The following SLC24A3 variants were observed in gnomAD, a reference collection of about 807,000 sequenced individuals.
The protein encoded by SLC24A3 is sodium/potassium/calcium exchanger 3.
SLC24A3 carries 28 observed loss-of-function variants against 75.8 expected under a neutral mutation model. That is an observed-to-expected ratio of 0.37 (90% CI 0.27 to 0.51). The LOEUF (loss-of-function observed/expected upper bound fraction) is 0.51, where lower values mean the gene tolerates loss of function less well. SLC24A3 is among the 20% of genes least tolerant of loss of function. The pLI, the probability that SLC24A3 is intolerant of heterozygous loss-of-function variation, is 0.94. For missense variants in SLC24A3, 663 were observed against 847.8 expected, an observed-to-expected ratio of 0.78 and a Z score of 2.71; for synonymous variants, 372 against 334.1, an observed-to-expected ratio of 1.11 and a Z score of -1.24.
intron 15 of SLC24A3, among the ~76,000 whole-genome samples, chr20:19,709,489 G>A (rs1273655587): frequency 6.6e-6 from 1 of 152,050 alleles, no homozygotes; most frequent in Admixed American, 6.5e-5. Context: ...GAGCGTGGTG[G>A]CACACACCTA....
At chr20:19,409,439 AAGG>A (rs1265976742) in intron 2 of SLC24A3, among the ~76,000 whole-genome samples, 9 of 152,176 alleles carry the variant, frequency 5.9e-5, no homozygotes, top group Admixed American at 4.6e-4. Context: ...ATGACCTGAG[AAGG>A]AGGAGAATGT....
intron 2 of SLC24A3, among the ~76,000 whole-genome samples, chr20:19,351,942 A>G (rs1028753368): frequency 6.6e-6 from 1 of 152,186 alleles, no homozygotes; most frequent in Non-Finnish European, 1.5e-5. Context: ...CCTGGGTGTC[A>G]TAGGTGGGGC....
chr20:19,568,214 G>T (rs2030992559), intron 3 of SLC24A3, among the ~76,000 whole-genome samples: 1 of 152,148 alleles, frequency 6.6e-6, no homozygotes, highest in Non-Finnish European at 1.5e-5. Flanking sequence ...AGCTGCTGTG[G>T]AAAATAGTAT....
At chr20:19,222,071 T>A (rs1981730105) in intron 1 of SLC24A3, among the ~76,000 whole-genome samples, 1 of 152,312 alleles carries the variant, frequency 6.6e-6, no homozygotes, top group Non-Finnish European at 1.5e-5. Context: ...AGATTTTTTT[T>A]AACCATGTCT....
intron 9 of SLC24A3, among the ~76,000 whole-genome samples, chr20:19,679,531 C>CGTGGGGAGAGGGAGACT (rs2032582784): frequency 1.5e-5 from 2 of 136,526 alleles, no homozygotes; most frequent in African/African-American, 2.9e-5. Context: ...AGAGGGAGAC[C>CGTGGGGAGAGGGAGACT]GTGGGGAGGG....
intron 2 of SLC24A3, among the ~76,000 whole-genome samples, chr20:19,490,160 C>T (rs1041805914): frequency 2.0e-5 from 3 of 152,146 alleles, no homozygotes; most frequent in Non-Finnish European, 2.9e-5. Context: ...CCTTTTGATC[C>T]AAGGCCACAT....
chr20:19,499,110 T>C (rs964466055), intron 2 of SLC24A3, among the ~76,000 whole-genome samples: 1 of 152,126 alleles, frequency 6.6e-6, no homozygotes, highest in Non-Finnish European at 1.5e-5. Context: ...ATGATTGCAA[T>C]TGTGTGAGCA....
intron 15 of SLC24A3, among the ~76,000 whole-genome samples, chr20:19,712,984 A>C (rs1293088435): frequency 6.6e-6 from 1 of 152,256 alleles, no homozygotes; most frequent in African/African-American, 2.4e-5. Context: ...AGGGCACCTG[A>C]GAACTTTCTG....
At chr20:19,493,226 T>A (rs2122532832) in intron 2 of SLC24A3, among the ~76,000 whole-genome samples, 1 of 152,308 alleles carries the variant, frequency 6.6e-6, no homozygotes, top group Non-Finnish European at 1.5e-5. Flanking sequence ...TTCCATCCCC[T>A]TGAGTTGGTC....
intron 2 of SLC24A3, among the ~76,000 whole-genome samples, chr20:19,446,351 G>A (rs1339564879): frequency 6.6e-6 from 1 of 152,182 alleles, no homozygotes; most frequent in Non-Finnish European, 1.5e-5. Context: ...TCTCTCATTA[G>A]GTGTGATATA....
intron 3 of SLC24A3, among the ~76,000 whole-genome samples, chr20:19,573,836 T>C (rs535405989): frequency 2.4e-4 from 37 of 152,322 alleles, no homozygotes; most frequent in African/African-American, 8.7e-4. Context: ...GAGCATATTA[T>C]TACTTAGAAC....
rs2032767528 is a variant in SLC24A3, at chr20:19,693,263, T to C, written c.1329T>C (p.Gly443=). 6.2e-7 allele frequency: 1 copy of C among 1,605,902 alleles called. No homozygotes were observed. Among genetic ancestry groups the C allele is most frequent in the East Asian group, 2.2e-5 (1 of 44,816 alleles). ...TGGCCTTTTTCATTTTTCCAGCGGG[T>C]AAACTGGAAACAGTGAAATGGGCGT... ...GPYTPFDTPS[G]KLETVKWAFT... is the part of the protein sequence containing the mutation. The change falls in exon 13 of 17, where the codon GGT becomes GGC. Residue 443 remains glycine (G), a synonymous_variant. Coordinates refer to ENST00000328041, the MANE Select transcript of SLC24A3 (RefSeq NM_020689.4).
chr20:19,458,789 G>C (rs1203146563), intron 2 of SLC24A3, among the ~76,000 whole-genome samples: 1 of 151,912 alleles, frequency 6.6e-6, no homozygotes, highest in Non-Finnish European at 1.5e-5. Flanking sequence ...CTTTTTTGTT[G>C]TTAATACATA....
intron 12 of SLC24A3, among the ~76,000 whole-genome samples, chr20:19,688,111 T>A (rs2032700730): frequency 6.6e-6 from 1 of 152,154 alleles, no homozygotes; most frequent in Admixed American, 6.5e-5. Flanking sequence ...GAATTCCAAG[T>A]TCTTCTCTAG....
At chr20:19,531,146 G>A (rs1793419993) in intron 3 of SLC24A3, among the ~76,000 whole-genome samples, 1 of 152,190 alleles carries the variant, frequency 6.6e-6, no homozygotes, top group African/African-American at 2.4e-5. Context: ...GCCCCCTGAT[G>A]TTTATTGCTG....
chr20:19,369,838 A>AT (rs1027674426), intron 2 of SLC24A3, among the ~76,000 whole-genome samples: 6 of 151,762 alleles, frequency 4.0e-5, no homozygotes, highest in African/African-American at 1.2e-4. Context: ...TCTTTTTAAA[A>AT]TTTTTTTTTG....
At chr20:19,218,031 T>C (rs1981610375) in intron 1 of SLC24A3, among the ~76,000 whole-genome samples, 1 of 152,206 alleles carries the variant, frequency 6.6e-6, no homozygotes, top group Non-Finnish European at 1.5e-5. Context: ...CCCTATGAAC[T>C]TTCCGTACCT....
intron 9 of SLC24A3, among the ~76,000 whole-genome samples, chr20:19,676,508 G>T (rs976955652): frequency 2.0e-5 from 3 of 152,090 alleles, no homozygotes; most frequent in African/African-American, 2.4e-5. Flanking sequence ...TAATCATTGG[G>T]TTTTATCAAA....
At chr20:19,248,562 A>C (rs1982561441) in intron 1 of SLC24A3, among the ~76,000 whole-genome samples, 1 of 152,188 alleles carries the variant, frequency 6.6e-6, no homozygotes, top group Non-Finnish European at 1.5e-5. Flanking sequence ...ATGTAAATGA[A>C]TACAGCCATT....
Sources: allele counts gnomAD v4.1 joint callset (sites outside exome capture counted in the v4.1 genomes callset), GRCh38; gene constraint gnomAD v4.1.1; transcripts MANE v1.5; gene names NCBI Gene and HGNC (gene_info 2026-07-23, HGNC 2026-07-21).